Variants in HIP1 observed in about 807,000 individuals in gnomAD.
HIP1 encodes the protein huntingtin interacting protein 1.
A neutral mutation model predicts 147.6 loss-of-function variants in HIP1; 65 were observed. That is an observed-to-expected ratio of 0.44 (90% CI 0.36 to 0.54). The LOEUF (loss-of-function observed/expected upper bound fraction) is 0.54, where lower values mean the gene tolerates loss of function less well. Among genes scored for constraint, HIP1 ranks in the 20% least tolerant of loss-of-function variants. The pLI is 0.00. For synonymous variants in HIP1, 479 were observed against 504.0 expected, an observed-to-expected ratio of 0.95 and a Z score of 0.67; for missense variants, 1,061 against 1,299.6, an observed-to-expected ratio of 0.82 and a Z score of 2.82.
intron 1 of HIP1, among the ~76,000 whole-genome samples, chr7:75,717,691 C>T (rs868933259): frequency 8.1e-4 from 58 of 71,410 alleles, no homozygotes; most frequent in Admixed American, 1.4e-3. Context: ...AAAAAAAAGA[C>T]CAGGCGCGGT....
intron 1 of HIP1, among the ~76,000 whole-genome samples, chr7:75,643,779 C>G (rs1324658560): frequency 1.3e-5 from 2 of 152,158 alleles, no homozygotes; most frequent in Non-Finnish European, 2.9e-5. Context: ...GTGGGTGGAC[C>G]ACTTGAGGTC....
At chr7:75,731,137 A>G (rs1413820427) in intron 1 of HIP1, among the ~76,000 whole-genome samples, 1 of 152,106 alleles carries the variant, frequency 6.6e-6, no homozygotes, top group Non-Finnish European at 1.5e-5. Flanking sequence ...TAAGTTTTCA[A>G]TACCCACTAA....
intron 1 of HIP1, among the ~76,000 whole-genome samples, chr7:75,668,942 G>A (rs112179283): frequency 0.02 from 3,109 of 152,276 alleles, 55 homozygotes; most frequent in Middle Eastern, 0.099. Flanking sequence ...ACCTGGCTGG[G>A]CGCGGTGGCT....
rs587765184 is a variant in HIP1 at position 75,550,204 on chromosome 7, G to A, written c.2296-1203C>T. ...AACATGATGTGTTATACATACTAAG[G>A]TATAAAATATATATGAATGGTTCAA... On this transcript the variant is annotated intron_variant, in intron 22 of 30. Transcript: ENST00000336926. 1.1e-4 allele frequency among the ~76,000 whole-genome samples: 16 copies of A among 152,224 alleles called. No individual in the cohort carries two copies. In the East Asian group the frequency reaches 2.5e-3, roughly 24 times the overall value.
rs1554493220 is a variant in HIP1, at chr7:75,556,059, C to T, written c.1794G>A (p.Leu598=). The change falls in exon 18 of 31, where the codon CTG becomes CTA. Residue 598 remains leucine, a synonymous_variant. Coordinates refer to ENST00000336926, the MANE Select transcript of HIP1 (RefSeq NM_005338.7). ...TGGCCAGTTTGAGCTGAGTGTCCTG[C>T]AGTTCTTTCCGAAGAGCAGATAATT... ...EEELSALRKE[L]QDTQLKLAST... The T allele has an allele frequency of 1.2e-6, 2 of 1,614,192 alleles. No individual in the cohort carries two copies. Among genetic ancestry groups the T allele is most frequent in the East Asian group, 4.5e-5 (2 of 44,874 alleles).
intron 1 of HIP1, among the ~76,000 whole-genome samples, chr7:75,622,276 CA>C (rs35866984): frequency 0.46 from 67,598 of 146,082 alleles, 15,417 homozygotes; most frequent in African/African-American, 0.53. Flanking sequence ...GACTCTGTCT[CA>C]AAAAAAAAAA....
chr7:75,680,967 G>C (rs1342239091), intron 1 of HIP1, among the ~76,000 whole-genome samples: 11 of 152,102 alleles, frequency 7.2e-5, no homozygotes, highest in African/African-American at 2.4e-5. Context: ...TAGTAGAGAA[G>C]GGGTTTTACC....
At chr7:75,556,617 T>G in intron 17 of HIP1, 93 bp downstream of exon 17, 2 of 794,276 alleles carry the variant, frequency 2.5e-6, no homozygotes, top group Admixed American at 1.9e-5. Flanking sequence ...CCCAGGGAGG[T>G]GGAGGCTGCA....
chr7:75,558,911 C>T (rs1214120688), intron 14 of HIP1, among the ~76,000 whole-genome samples: 1 of 152,022 alleles, frequency 6.6e-6, no homozygotes, highest in South Asian at 2.1e-4. Context: ...CCCAGCTACT[C>T]GGGAGGCTGA....
intron 1 of HIP1, among the ~76,000 whole-genome samples, chr7:75,645,622 A>G (rs531099608): frequency 6.6e-6 from 1 of 152,320 alleles, no homozygotes; most frequent in Admixed American, 6.5e-5. Context: ...TCATTCTGCC[A>G]AAAAGACACC....
At chr7:75,675,184 T>C (rs1247109336) in intron 1 of HIP1, among the ~76,000 whole-genome samples, 2 of 151,974 alleles carry the variant, frequency 1.3e-5, no homozygotes, top group African/African-American at 2.4e-5. Flanking sequence ...TCCTCTTTCA[T>C]CTTCTCAAAT....
intron 14 of HIP1, among the ~76,000 whole-genome samples, chr7:75,558,480 G>A (rs782757026): frequency 1.2e-4 from 19 of 152,064 alleles, no homozygotes; most frequent in Non-Finnish European, 2.2e-4. Flanking sequence ...TGGGTTCATG[G>A]GCACACGCCA....
intron 20 of HIP1, 69 bp from the exon 21 acceptor site, chr7:75,554,289 G>A (rs1394749714): frequency 1.5e-5 from 20 of 1,378,012 alleles, no homozygotes; most frequent in Middle Eastern, 1.8e-4. Flanking sequence ...CTCTCCTCCC[G>A]TTTTATGAGT....
intron 1 of HIP1, among the ~76,000 whole-genome samples, chr7:75,718,833 C>T (rs1238196669): frequency 2.6e-5 from 4 of 152,174 alleles, no homozygotes; most frequent in African/African-American, 9.7e-5. Context: ...TGACATTTCC[C>T]AGTAATTCTT....
intron 1 of HIP1, among the ~76,000 whole-genome samples, chr7:75,637,788 T>C (rs1554509883): frequency 6.6e-6 from 1 of 151,646 alleles, no homozygotes; most frequent in Non-Finnish European, 1.5e-5. Context: ...AATAGGACTC[T>C]CCCCTGTCAT....
At chr7:75,683,611 C>T (rs932715411) in intron 1 of HIP1, among the ~76,000 whole-genome samples, 1 of 152,138 alleles carries the variant, frequency 6.6e-6, no homozygotes, top group African/African-American at 2.4e-5. Context: ...GGCCCGGAGC[C>T]TCTGGAGGTG....
At chr7:75,690,572 T>G (rs1470345137) in intron 1 of HIP1, among the ~76,000 whole-genome samples, 1 of 151,870 alleles carries the variant, frequency 6.6e-6, no homozygotes, top group Admixed American at 6.6e-5. Flanking sequence ...CTCAAAAAGT[T>G]AAACACAGGG....
rs1230845159 is a variant in HIP1 at position 75,554,367 on chromosome 7, C to T, written c.2050+73G>A. On this transcript the variant is annotated intron_variant, in intron 20 of 30. Coordinates refer to ENST00000336926, the MANE Select transcript of HIP1 (RefSeq NM_005338.7). ...TTGATGCAGAGGGACCTGTCACTAT[C>T]CCCGCATTCAGGTGCTTCTGAACCC... The T allele has an allele frequency of 1.6e-5, 22 of 1,362,306 alleles. No homozygotes were observed. In the African/African-American group the frequency reaches 2.0e-4, roughly 12 times the overall value. 84.4% of individuals were successfully genotyped at this position (1,362,306 alleles called of 1,614,324 possible).
intron 1 of HIP1, among the ~76,000 whole-genome samples, chr7:75,614,256 G>A (rs1250270630): frequency 2.0e-5 from 3 of 152,184 alleles, no homozygotes; most frequent in African/African-American, 4.8e-5. Flanking sequence ...GCTCAGGCTG[G>A]TCTGAAACTC....
Sources: allele counts gnomAD v4.1 joint callset (sites outside exome capture counted in the v4.1 genomes callset), GRCh38; gene constraint gnomAD v4.1.1; transcripts MANE v1.5; gene names NCBI Gene and HGNC (gene_info 2026-07-23, HGNC 2026-07-21).